Variants in DMD observed in about 807,000 individuals in gnomAD.
DMD encodes mutant dystrophin.
In DMD, 63 loss-of-function variants were observed where a neutral mutation model predicts 330.1. The observed-to-expected ratio is 0.19, with a 90% CI of 0.16 to 0.24. The LOEUF (loss-of-function observed/expected upper bound fraction) is 0.24, where lower values mean the gene tolerates loss of function less well. Among genes scored for constraint, DMD ranks in the 10% least tolerant of loss-of-function variants. The probability of loss-of-function intolerance (pLI) is 1.00; values close to 1 mark genes in which losing one functional copy is unlikely to be tolerated. For synonymous variants in DMD, 1,223 were observed against 959.8 expected (o/e 1.27, Z -5.07); for missense variants, 3,344 against 2,684.1 (o/e 1.25, Z -5.43).
chrX:31,921,520 A>G (rs1345730477), intron 47 of DMD, among the ~76,000 whole-genome samples: 1 of 112,079 alleles, frequency 8.9e-6, no homozygotes, highest in Non-Finnish European at 1.9e-5. Context: ...CCCAAGAGCC[A>G]TATTTACAAC....
chrX:31,801,789 T>C (rs752681143), intron 50 of DMD, among the ~76,000 whole-genome samples: 4 of 111,030 alleles, frequency 3.6e-5, no homozygotes, highest in Non-Finnish European at 7.6e-5. Context: ...CACAATTGAG[T>C]AGGGGGAACA....
intron 74 of DMD, among the ~76,000 whole-genome samples, chrX:31,154,302 T>A (rs1330687808): frequency 9.1e-6 from 1 of 110,404 alleles, no homozygotes; most frequent in Non-Finnish European, 1.9e-5. Flanking sequence ...ATTTTTTTAT[T>A]TTTTATTTTT....
chrX:32,632,052 C>A (rs1267390634), intron 11 of DMD, among the ~76,000 whole-genome samples: 1 of 111,736 alleles, frequency 8.9e-6, no homozygotes, highest in African/African-American at 3.3e-5. Flanking sequence ...TACCTATGAG[C>A]CCGTAAAATC....
At chrX:32,549,896 A>G (rs766989509) in intron 16 of DMD, among the ~76,000 whole-genome samples, 2 of 112,728 alleles carry the variant, frequency 1.8e-5, no homozygotes, top group South Asian at 7.1e-4. Context: ...TTTAAAGAAT[A>G]CAAAAGGACA....
intron 1 of DMD, among the ~76,000 whole-genome samples, chrX:33,228,215 T>G (rs946813347): frequency 6.9e-4 from 76 of 110,119 alleles, no homozygotes; most frequent in African/African-American, 2.4e-3. Flanking sequence ...TAACTTTATT[T>G]GGAATATTGA....
chrX:32,637,052 C>G (rs1033968363), intron 11 of DMD, among the ~76,000 whole-genome samples: 2 of 110,641 alleles, frequency 1.8e-5, no homozygotes, highest in Non-Finnish European at 3.8e-5. Flanking sequence ...ATTATGGCAA[C>G]CCTCAAATCA....
intron 29 of DMD, among the ~76,000 whole-genome samples, chrX:32,424,090 A>G (rs1161706085): frequency 9.0e-6 from 1 of 110,990 alleles, no homozygotes; most frequent in Non-Finnish European, 1.9e-5. Flanking sequence ...ATCACTCTTG[A>G]CCATTTATTC....
intron 44 of DMD, among the ~76,000 whole-genome samples, chrX:32,159,195 G>A (rs1196925473): frequency 8.9e-6 from 1 of 111,962 alleles, no homozygotes; most frequent in African/African-American, 3.2e-5. Context: ...CCAGGCTGTG[G>A]TCTTTCTTAC....
chrX:31,402,128 T>C lies in DMD; in HGVS notation c.9084+42353A>G, dbSNP rs775541093. ...AATCTGGAAACTGTGATTTTATCCA[T>C]TGCAGTAGAGAGGCTGAGTAGAGTG... On this transcript the variant is annotated intron_variant, in intron 60 of 78. Transcript: ENST00000357033. Among the ~76,000 whole-genome samples, 110 of 111,843 alleles carry C rather than the reference T, an allele frequency of 9.8e-4. 1 individual carries two copies. The highest frequency in any genetic ancestry group is 3.2e-3 in the African/African-American group (99 of 30,863).
intron 44 of DMD, among the ~76,000 whole-genome samples, chrX:32,181,624 TG>T (rs1489208844): frequency 1.8e-5 from 2 of 111,860 alleles, no homozygotes; most frequent in Non-Finnish European, 3.8e-5. Flanking sequence ...TTGACATATA[TG>T]GAATATTGTA....
intron 29 of DMD, among the ~76,000 whole-genome samples, chrX:32,416,634 A>G (rs778257571): frequency 1.8e-3 from 198 of 111,892 alleles, no homozygotes; most frequent in Non-Finnish European, 2.1e-3. Flanking sequence ...ATTGGCCCCA[A>G]CCTGACTGTC....
chrX:32,201,290 C>T (rs2147721784), intron 44 of DMD, among the ~76,000 whole-genome samples: 1 of 111,447 alleles, frequency 9.0e-6, no homozygotes, highest in East Asian at 2.8e-4. Flanking sequence ...CTTAAAATAT[C>T]TTATTGTATT....
At chrX:32,252,639 AATAT>A (rs1157886700) in intron 43 of DMD, among the ~76,000 whole-genome samples, 3 of 70,995 alleles carry the variant, frequency 4.2e-5, no homozygotes, top group Non-Finnish European at 6.8e-5. Context: ...TGTATATATA[AATAT>A]ATATAAATAC....
chrX:32,614,299 C>T lies in DMD; in HGVS notation c.1482+4G>A. ...AGAAAGCACGCAACATAAGATACAC[C>T]TACCTTATGTTGTTGTACTTGGCGT... is the stretch of plus-strand genomic sequence containing the variant. On this transcript the variant is annotated splice_donor_region_variant and intron_variant, in intron 12 of 78. Coordinates refer to ENST00000357033, the MANE Select transcript of DMD (RefSeq NM_004006.3). 2 of 1,207,360 alleles carry T rather than the reference C, an allele frequency of 1.7e-6. No homozygotes were observed. Among genetic ancestry groups the T allele is most frequent in the Non-Finnish European group, 2.2e-6 (2 of 893,006 alleles).
At position 33,055,357 on chromosome X, in the gene DMD, A is replaced by G. The variant is rs1399414885; in HGVS notation, c.32-35157T>C. ...GTTTGAGGTAGCTACGTGAGTAAGG[A>G]AGTAGATACAATGAGCATAGAAATT... On this transcript the variant is annotated intron_variant, in intron 1 of 78. Transcript: ENST00000357033. Among the ~76,000 whole-genome samples, 3 of 111,736 alleles carry G rather than the reference A, an allele frequency of 2.7e-5. No individual in the cohort carries two copies. In the East Asian group the frequency reaches 8.4e-4, roughly 31 times the overall value.
At chrX:32,472,639 C>T (rs771798529) in intron 21 of DMD, among the ~76,000 whole-genome samples, 32 of 110,738 alleles carry the variant, frequency 2.9e-4, no homozygotes, top group African/African-American at 1.0e-3. Context: ...CAAGGTGATA[C>T]AGATGGTATT....
At chrX:31,346,351 A>G (rs2148475547) in intron 61 of DMD, among the ~76,000 whole-genome samples, 1 of 111,038 alleles carries the variant, frequency 9.0e-6, no homozygotes, top group South Asian at 3.9e-4. Context: ...AATCTGTAAC[A>G]TTTCTAGGCA....
At chrX:32,745,021 A>G (rs1370827373) in intron 7 of DMD, among the ~76,000 whole-genome samples, 1 of 111,550 alleles carries the variant, frequency 9.0e-6, no homozygotes, top group Non-Finnish European at 1.9e-5. Context: ...CCTACACAAC[A>G]ACTGTAAGGA....
chrX:31,780,318 A>G (rs915892747), intron 50 of DMD, among the ~76,000 whole-genome samples: 2 of 112,123 alleles, frequency 1.8e-5, no homozygotes, highest in African/African-American at 6.5e-5. Context: ...TTATATTTGA[A>G]AAATCACTCA....
Sources: gnomAD v4.1 joint callset for allele counts (sites outside exome capture counted in the v4.1 genomes callset) on GRCh38, gnomAD v4.1.1 for gene constraint, MANE v1.5 for transcripts, NCBI Gene and HGNC (gene_info 2026-07-23, HGNC 2026-07-21) for gene names.